Variants in TANC1 observed in about 807,000 individuals in gnomAD.
TANC1 encodes tetratricopeptide repeat, ankyrin repeat and coiled-coil containing 1.
In TANC1, 77 loss-of-function variants were observed where a neutral mutation model predicts 149.7. The observed-to-expected ratio is 0.51, with a 90% CI of 0.43 to 0.62. The LOEUF is 0.62. Ranked by LOEUF, TANC1 falls within the 20% of genes least tolerant of loss-of-function variation. The pLI, the probability that TANC1 is intolerant of heterozygous loss-of-function variation, is 0.00. For missense variants in TANC1, 1,985 were observed against 2,321.8 expected (o/e 0.85, Z 2.98); for synonymous variants, 854 against 925.0 (o/e 0.92, Z 1.39).
chr2:159,125,721 C>A (rs1210233530), intron 4 of TANC1, among the ~76,000 whole-genome samples: 1 of 152,132 alleles, frequency 6.6e-6, no homozygotes, highest in Admixed American at 6.5e-5. Context: ...TCCTGAGTAG[C>A]TGGGAATACA....
chr2:159,026,144 C>T (rs1490110835), intron 2 of TANC1, among the ~76,000 whole-genome samples: 1 of 152,196 alleles, frequency 6.6e-6, no homozygotes, highest in Non-Finnish European at 1.5e-5. Context: ...TGTTGCCCAG[C>T]ATGGTCTTGA....
chr2:158,993,384 T>A (rs757911826), intron 1 of TANC1, among the ~76,000 whole-genome samples: 1 of 152,174 alleles, frequency 6.6e-6, no homozygotes, highest in Non-Finnish European at 1.5e-5. Flanking sequence ...CCTGAGTTGC[T>A]GAGATTATAG....
At position 158,983,468 on chromosome 2, in the gene TANC1, C is replaced by CAAAAAAAAAAAAAAAAAA. The variant is rs35472970; in HGVS notation, c.-126+14688_-126+14705dup. The stretch of plus-strand genomic sequence containing the variant: ...GGAGACAGAGCAAGACTCCGTCTCC[C>CAAAAAAAAAAAAAAAAAA]AAAAAAAAAAAAAAAAAAACACCAA... On this transcript the variant is annotated intron_variant, in intron 1 of 26. Coordinates refer to ENST00000263635, the MANE Select transcript of TANC1 (RefSeq NM_033394.3). Among the ~76,000 whole-genome samples, 21 of 88,792 alleles carry CAAAAAAAAAAAAAAAAAA rather than the reference C, an allele frequency of 2.4e-4. 1 individual carries two copies. The highest frequency in any genetic ancestry group is 1.8e-3 in the Admixed American group (13 of 7,258). The allele number at this position is 88,792 out of a possible 152,430, so 58.3% of individuals were successfully genotyped here.
intron 1 of TANC1, among the ~76,000 whole-genome samples, chr2:158,974,305 T>G (rs1297866105): frequency 6.6e-6 from 1 of 152,240 alleles, no homozygotes; most frequent in East Asian, 1.9e-4. Flanking sequence ...ATTATAACCA[T>G]CCTTGATACC....
At chr2:158,969,631 C>G (rs1386814178) in intron 1 of TANC1, among the ~76,000 whole-genome samples, 2 of 152,232 alleles carry the variant, frequency 1.3e-5, no homozygotes, top group African/African-American at 4.8e-5. Flanking sequence ...CGGCGGCTTT[C>G]CGGAACGCCT....
intron 18 of TANC1, among the ~76,000 whole-genome samples, chr2:159,197,743 A>G (rs2057968645): frequency 2.0e-5 from 3 of 152,174 alleles, no homozygotes; most frequent in Non-Finnish European, 2.9e-5. Flanking sequence ...GTCTTAATCC[A>G]TGCTAACCCC....
chr2:159,222,745 G>GTA (rs2059783499), intron 22 of TANC1, among the ~76,000 whole-genome samples: 1 of 152,138 alleles, frequency 6.6e-6, no homozygotes, highest in Non-Finnish European at 1.5e-5. Context: ...GTTCTTTGGG[G>GTA]TATATATCCA....
intron 2 of TANC1, among the ~76,000 whole-genome samples, chr2:159,037,465 C>T (rs1210184366): frequency 6.6e-6 from 1 of 152,140 alleles, no homozygotes; most frequent in East Asian, 1.9e-4. Flanking sequence ...CCTAGGTTTT[C>T]TTCTAGGGCT....
intron 5 of TANC1, among the ~76,000 whole-genome samples, chr2:159,137,723 G>A (rs915332134): frequency 6.6e-6 from 1 of 152,154 alleles, no homozygotes; most frequent in Non-Finnish European, 1.5e-5. Context: ...AAATGTCTAA[G>A]CTGTCTGCCT....
chr2:159,228,561 G>C (rs1460589022), intron 25 of TANC1: 2 of 483,092 alleles, frequency 4.1e-6, no homozygotes, highest in African/African-American at 3.9e-5. Context: ...TCCACCATCT[G>C]GCCTTCTTGG....
At chr2:159,009,509 C>T (rs546066924) in intron 2 of TANC1, among the ~76,000 whole-genome samples, 14 of 152,030 alleles carry the variant, frequency 9.2e-5, no homozygotes, top group Non-Finnish European at 1.8e-4. Flanking sequence ...AGATAAATAC[C>T]GCATGGTCTC....
At position 159,117,638 on chromosome 2, in the gene TANC1, C is replaced by T. The variant is rs182637356; in HGVS notation, c.260-18556C>T. The stretch of plus-strand genomic sequence containing the variant: ...GTCTCAATCTCCTGACCTCGTGACC[C>T]GCCTGCCTCGGCCTCCCAAAGTGCT... On this transcript the variant is annotated intron_variant, in intron 4 of 26. Coordinates refer to ENST00000263635, the MANE Select transcript of TANC1 (RefSeq NM_033394.3). Among the ~76,000 whole-genome samples the T allele has an allele frequency of 7.0e-3, 1,058 of 151,588 alleles. 9 individuals carry two copies. Among genetic ancestry groups the T allele is most frequent in the African/African-American group, 0.024 (990 of 41,276 alleles).
intron 5 of TANC1, among the ~76,000 whole-genome samples, chr2:159,146,524 G>A (rs1328334822): frequency 6.7e-6 from 1 of 148,398 alleles, no homozygotes; most frequent in East Asian, 2.0e-4. Flanking sequence ...ATGAATTTGG[G>A]TGTCCCTTTT....
At chr2:159,216,602 G>A (rs1298102627) in intron 19 of TANC1, among the ~76,000 whole-genome samples, 2 of 152,146 alleles carry the variant, frequency 1.3e-5, no homozygotes, top group Non-Finnish European at 2.9e-5. Context: ...ATCGGGGAGT[G>A]GGGATGCCCA....
At chr2:159,143,201 C>T (rs1251255785) in intron 5 of TANC1, among the ~76,000 whole-genome samples, 1 of 151,848 alleles carries the variant, frequency 6.6e-6, no homozygotes, top group Non-Finnish European at 1.5e-5. Context: ...TCACATTGAG[C>T]TTGATGGTTT....
chr2:158,973,516 T>G (rs972786001), intron 1 of TANC1, among the ~76,000 whole-genome samples: 5 of 152,210 alleles, frequency 3.3e-5, no homozygotes, highest in African/African-American at 1.2e-4. Flanking sequence ...CTCTCAAGCC[T>G]CACATCCAGA....
chr2:159,125,585 CCCTT>C (rs1553563205), intron 4 of TANC1, among the ~76,000 whole-genome samples: 1 of 137,766 alleles, frequency 7.3e-6, no homozygotes, highest in African/African-American at 2.6e-5. Context: ...CTCCCTCCCT[CCCTT>C]CCTTCCTTCC....
At chr2:159,030,998 T>C (rs774975726) in intron 2 of TANC1, among the ~76,000 whole-genome samples, 1 of 152,094 alleles carries the variant, frequency 6.6e-6, no homozygotes, top group Non-Finnish European at 1.5e-5. Flanking sequence ...TCTCTGGCCA[T>C]ATGGAGTCAG....
At chr2:159,159,691 C>CGTGTGTGT (rs371748384) in intron 7 of TANC1, among the ~76,000 whole-genome samples, 61 of 118,018 alleles carry the variant, frequency 5.2e-4, no homozygotes, top group African/African-American at 1.4e-3. Flanking sequence ...CATACACATA[C>CGTGTGTGT]GTGTGTGTGT....
Sources: gnomAD v4.1 joint callset for allele counts (sites outside exome capture counted in the v4.1 genomes callset) on GRCh38, gnomAD v4.1.1 for gene constraint, MANE v1.5 for transcripts, NCBI Gene and HGNC (gene_info 2026-07-23, HGNC 2026-07-21) for gene names.